NPAS3: variants seen among roughly 807,000 people sequenced by gnomAD.
The protein encoded by NPAS3 is neuronal PAS domain protein 3.
NPAS3 carries 14 observed loss-of-function variants against 73.1 expected under a neutral mutation model. That is an observed-to-expected ratio of 0.19 (90% CI 0.13 to 0.30). The LOEUF (loss-of-function observed/expected upper bound fraction) is 0.30. Among genes scored for constraint, NPAS3 ranks in the 10% least tolerant of loss-of-function variants. The pLI, the probability that NPAS3 is intolerant of heterozygous loss-of-function variation, is 1.00. For synonymous variants in NPAS3, 620 were observed against 541.5 expected (o/e 1.14, Z -2.01); for missense variants, 1,096 against 1,250.0 (o/e 0.88, Z 1.86).
At chr14:33,267,439 C>G (rs769431171) in intron 3 of NPAS3, among the ~76,000 whole-genome samples, 2 of 152,076 alleles carry the variant, frequency 1.3e-5, no homozygotes, top group Non-Finnish European at 2.9e-5. Context: ...TTTCTGTCAT[C>G]TCATCAAAAT....
At chr14:33,006,008 G>A (rs1454314398) in intron 1 of NPAS3, among the ~76,000 whole-genome samples, 1 of 152,090 alleles carries the variant, frequency 6.6e-6, no homozygotes, top group African/African-American at 2.4e-5. Flanking sequence ...TGACCAGAAG[G>A]CGGGGAGCCA....
At chr14:33,520,382 G>T (rs1432330751) in intron 4 of NPAS3, among the ~76,000 whole-genome samples, 3 of 151,986 alleles carry the variant, frequency 2.0e-5, no homozygotes, top group Non-Finnish European at 2.9e-5. Context: ...GAGTTTGGTT[G>T]TTTTGTTTCA....
intron 2 of NPAS3, among the ~76,000 whole-genome samples, chr14:33,206,180 G>A (rs2046816367): frequency 6.6e-6 from 1 of 152,046 alleles, no homozygotes; most frequent in African/African-American, 2.4e-5. Context: ...TAGAGAAAAG[G>A]GAATCATGAG....
At chr14:33,489,293 A>G (rs1214990453) in intron 4 of NPAS3, among the ~76,000 whole-genome samples, 2 of 152,158 alleles carry the variant, frequency 1.3e-5, no homozygotes, top group African/African-American at 4.8e-5. Flanking sequence ...ATGACATCAG[A>G]CTTCACACTA....
Position 33,378,346 on chromosome 14 carries a change from T to TCA in NPAS3, c.468+11089_468+11090dup, listed in dbSNP as rs1208968868. On this transcript the variant is annotated intron_variant, in intron 4 of 11. Coordinates refer to ENST00000356141, the Ensembl canonical transcript of NPAS3. ...GCCTGGAGCAAGTCACTTCCTGTGA[T>TCA]CACACACACACAGTTCACCTCCTTC... is the stretch of plus-strand genomic sequence containing the variant. 3.3e-5 allele frequency among the ~76,000 whole-genome samples: 5 copies of TCA among 152,118 alleles called. No individual in the cohort carries two copies. The East Asian group carries it at 7.7e-4, about 24-fold the overall frequency.
In NPAS3 at chr14:33,307,444, C is replaced by T. The variant is rs995366162; in HGVS notation, c.386-59742C>T. 2.6e-5 allele frequency among the ~76,000 whole-genome samples: 4 copies of T among 151,918 alleles called. 1 individual carries two copies. The highest frequency in any genetic ancestry group is 1.3e-4 in the Admixed American group (2 of 15,270). On this transcript the variant is annotated intron_variant, in intron 3 of 11. Coordinates refer to ENST00000356141, the Ensembl canonical transcript of NPAS3. ...TTGCCATTCTGGACTCATTTTTCCC[C>T]CTTTGCAGACAGTGTAATTAGGGGT...
chr14:33,629,588 C>T (rs2058323332), intron 5 of NPAS3, among the ~76,000 whole-genome samples: 1 of 150,796 alleles, frequency 6.6e-6, no homozygotes, highest in Non-Finnish European at 1.5e-5. Flanking sequence ...TTTTTTTTAA[C>T]ACATTCCCTC....
intron 4 of NPAS3, among the ~76,000 whole-genome samples, chr14:33,478,318 G>A (rs2051144941): frequency 6.6e-6 from 1 of 152,134 alleles, no homozygotes; most frequent in Non-Finnish European, 1.5e-5. Context: ...AGCATCAAAA[G>A]TTACACTGGA....
downstream of NPAS3, chr14:33,801,185 T>C (rs2063707810): frequency 6.6e-7 from 1 of 1,514,176 alleles, no homozygotes; most frequent in East Asian, 2.5e-5. Context: ...GACCTTTAAT[T>C]CTAGCACTTT....
intron 3 of NPAS3, among the ~76,000 whole-genome samples, chr14:33,289,836 A>T (rs2140103675): frequency 6.8e-6 from 1 of 146,692 alleles, no homozygotes; most frequent in South Asian, 2.2e-4. Flanking sequence ...AAAAAAAAAA[A>T]ATCTATTCTT....
intron 5 of NPAS3, among the ~76,000 whole-genome samples, chr14:33,589,824 A>G (rs1289482610): frequency 2.6e-5 from 4 of 152,234 alleles, no homozygotes; most frequent in Non-Finnish European, 5.9e-5. Flanking sequence ...TAATTGCAGA[A>G]ATCAGTGCTT....
chr14:33,272,345 T>C (rs1429476612), intron 3 of NPAS3, among the ~76,000 whole-genome samples: 1 of 152,238 alleles, frequency 6.6e-6, no homozygotes, highest in Non-Finnish European at 1.5e-5. Context: ...GCTACAGATT[T>C]AGTTTCTGAA....
intron 8 of NPAS3, among the ~76,000 whole-genome samples, chr14:33,775,455 G>A (rs963839038): frequency 1.3e-5 from 2 of 152,196 alleles, no homozygotes; most frequent in Non-Finnish European, 2.9e-5. Context: ...GAATGGTCAA[G>A]TGACTTGGGG....
At chr14:33,243,853 G>A (rs2048291252) in intron 3 of NPAS3, among the ~76,000 whole-genome samples, 1 of 151,886 alleles carries the variant, frequency 6.6e-6, no homozygotes, top group South Asian at 2.1e-4. Flanking sequence ...AGATATTTTG[G>A]TGACAATTTG....
chr14:33,732,643 C>T (rs937789330), intron 6 of NPAS3, among the ~76,000 whole-genome samples: 2 of 152,168 alleles, frequency 1.3e-5, no homozygotes, highest in African/African-American at 4.8e-5. Context: ...TTGGACTCTC[C>T]ATACCACATG....
intron 1 of NPAS3, among the ~76,000 whole-genome samples, chr14:32,996,470 C>T (rs1041672508): frequency 6.6e-6 from 1 of 152,184 alleles, no homozygotes; most frequent in African/African-American, 2.4e-5. Flanking sequence ...CAGCCCATCC[C>T]ATCACAGGCC....
intron 9 of NPAS3, among the ~76,000 whole-genome samples, chr14:33,783,392 C>T (rs2063041565): frequency 6.6e-6 from 1 of 152,082 alleles, no homozygotes; most frequent in African/African-American, 2.4e-5. Flanking sequence ...AGTAAGTGTT[C>T]CCCTTCTGCC....
Position 33,794,993 on chromosome 14 carries a change from GTTGGTGCCCT to G in NPAS3, c.1301+954_1301+963del, listed in dbSNP as rs1422596736. Among the ~76,000 whole-genome samples the G allele has an allele frequency of 2.0e-5, 3 of 152,200 alleles. No homozygotes were observed. In the East Asian group the frequency reaches 5.8e-4, roughly 29 times the overall value. On this transcript the variant is annotated intron_variant, in intron 10 of 11. Coordinates refer to ENST00000356141, the Ensembl canonical transcript of NPAS3. ...TTTCCAATAGGTCTTGGGAATGGAA[GTTGGTGCCCT>G]TTGGCTGATAATTTAGACAGGGAGT...
At chr14:32,994,464 A>C (rs1595175315) in intron 1 of NPAS3, among the ~76,000 whole-genome samples, 1 of 152,166 alleles carries the variant, frequency 6.6e-6, no homozygotes, top group Non-Finnish European at 1.5e-5. Context: ...TAGAGCCCCA[A>C]ATTTTTTTTT....
Sources: allele counts gnomAD v4.1 joint callset (sites outside exome capture counted in the v4.1 genomes callset), GRCh38; gene constraint gnomAD v4.1.1; transcripts MANE v1.5; gene names NCBI Gene and HGNC (gene_info 2026-07-23, HGNC 2026-07-21).